The following CTBP2 variants were observed in gnomAD, a reference collection of about 807,000 sequenced individuals.
CTBP2 encodes the protein C-terminal binding protein 2.
CTBP2 carries 30 observed loss-of-function variants against 80.3 expected under a neutral mutation model. That is an observed-to-expected ratio of 0.37 (90% CI 0.28 to 0.51). CTBP2 has a LOEUF of 0.51. Ranked by LOEUF, CTBP2 falls within the 20% of genes least tolerant of loss-of-function variation. The pLI, the probability that CTBP2 is intolerant of heterozygous loss-of-function variation, is 0.93. For synonymous variants in CTBP2, 594 were observed against 587.4 expected (o/e 1.01, Z -0.16); for missense variants, 1,212 against 1,375.3 (o/e 0.88, Z 1.88).
intron 1 of CTBP2, among the ~76,000 whole-genome samples, chr10:125,009,521 A>T (rs1955631002): frequency 1.3e-5 from 2 of 152,150 alleles, no homozygotes; most frequent in Admixed American, 1.3e-4. Context: ...TTCCTCTTAA[A>T]TGCGGCCTGC....
intron 2 of CTBP2, among the ~76,000 whole-genome samples, chr10:125,065,155 G>A (rs1039247802): frequency 5.9e-5 from 9 of 152,188 alleles, no homozygotes; most frequent in East Asian, 5.8e-4. Flanking sequence ...CTGTGGTTGC[G>A]GAGGGGCTGC....
At chr10:125,141,721 A>T (rs1857858181) in intron 1 of CTBP2, among the ~76,000 whole-genome samples, 1 of 152,222 alleles carries the variant, frequency 6.6e-6, no homozygotes, top group Non-Finnish European at 1.5e-5. Flanking sequence ...CAGCAAGTAC[A>T]TGGCAAATGC....
At chr10:125,029,667 G>A (rs977353752), upstream of CTBP2, among the ~76,000 whole-genome samples, 1 of 152,198 alleles carries the variant, frequency 6.6e-6, no homozygotes, top group African/African-American at 2.4e-5. Flanking sequence ...CATGGTGCAT[G>A]CACACCCCTC....
intron 2 of CTBP2, among the ~76,000 whole-genome samples, chr10:125,063,339 C>T (rs1035346493): frequency 6.6e-6 from 1 of 152,204 alleles, no homozygotes; most frequent in Non-Finnish European, 1.5e-5. Context: ...CCGCAAGCCA[C>T]ATACGTGTTT....
chr10:125,157,898 A>AG (rs775956837), intron 1 of CTBP2, among the ~76,000 whole-genome samples: 23 of 152,202 alleles, frequency 1.5e-4, no homozygotes, highest in Non-Finnish European at 2.6e-4. Context: ...AAAGGGCACT[A>AG]GGGGTTTTTC....
At chr10:125,011,030 A>G (rs1955833656) in intron 1 of CTBP2, among the ~76,000 whole-genome samples, 1 of 152,178 alleles carries the variant, frequency 6.6e-6, no homozygotes, top group Non-Finnish European at 1.5e-5. Flanking sequence ...TTTCATGTGA[A>G]TTATCCCTCA....
At chr10:125,016,029 C>CG (rs3837351) in intron 1 of CTBP2, among the ~76,000 whole-genome samples, 39,921 of 151,978 alleles carry the variant, frequency 0.26, 5,318 homozygotes, top group African/African-American at 0.29. Context: ...GCTGGGTACC[C>CG]GGATCCCTGC....
chr10:125,108,372 C>T (rs899556592), intron 2 of CTBP2, among the ~76,000 whole-genome samples: 6 of 152,218 alleles, frequency 3.9e-5, no homozygotes, highest in African/African-American at 1.4e-4. Context: ...GCTCTAGGGC[C>T]TCACGGATTC....
intron 8 of CTBP2, among the ~76,000 whole-genome samples, chr10:124,991,014 C>A (rs1031338547): frequency 6.6e-6 from 1 of 152,252 alleles, no homozygotes; most frequent in Non-Finnish European, 1.5e-5. Context: ...TGGCTATATA[C>A]TCCCATGGCC....
chr10:125,063,384 T>A (rs1301024582), intron 2 of CTBP2, among the ~76,000 whole-genome samples: 1 of 152,124 alleles, frequency 6.6e-6, no homozygotes, highest in South Asian at 2.1e-4. Context: ...GGCACCCCGA[T>A]GGGGACTGAG....
At chr10:125,132,139 C>A (rs1380637952) in intron 1 of CTBP2, among the ~76,000 whole-genome samples, 2 of 152,182 alleles carry the variant, frequency 1.3e-5, no homozygotes, top group Non-Finnish European at 2.9e-5. Context: ...CTTCTGGTAA[C>A]AAGTGGAATT....
chr10:125,154,135 AGAG>A (rs1181692299), intron 1 of CTBP2, among the ~76,000 whole-genome samples: 1 of 152,248 alleles, frequency 6.6e-6, no homozygotes. Flanking sequence ...TCTGCTGATC[AGAG>A]GAGAGCTTTG....
At chr10:125,060,142 T>C (rs188628132) in intron 2 of CTBP2, among the ~76,000 whole-genome samples, 1 of 152,322 alleles carries the variant, frequency 6.6e-6, no homozygotes, top group East Asian at 1.9e-4. Flanking sequence ...TGAACATATG[T>C]GGCCACGCAG....
chr10:124,994,748 A>G lies in CTBP2; in HGVS notation c.2186-65T>C. ...CCCGCGCCCCAGCGCTGCCACCTCC[A>G]TTGCTTCTGAGCTGAGTCCGGGCTT... is the stretch of plus-strand genomic sequence containing the variant. On this transcript the variant is annotated intron_variant, in intron 4 of 8. Coordinates refer to ENST00000309035, the MANE Select transcript of CTBP2 (RefSeq NM_022802.3). 6 of 1,511,498 alleles carry G rather than the reference A, an allele frequency of 4.0e-6. No individual in the cohort carries two copies. In the East Asian group the frequency reaches 9.1e-5, roughly 23 times the overall value. 93.6% of individuals were successfully genotyped at this position (1,511,498 alleles called of 1,614,324 possible).
intron 2 of CTBP2, among the ~76,000 whole-genome samples, chr10:125,089,393 A>T (rs1461925520): frequency 6.6e-6 from 1 of 152,238 alleles, no homozygotes; most frequent in Non-Finnish European, 1.5e-5. Context: ...ACCAAACTGG[A>T]TGACAGTTGA....
chr10:125,098,698 GAGAGAGAGACAGAGAGAGAGAGAGAC>G (rs1850032232), intron 2 of CTBP2, among the ~76,000 whole-genome samples: 1 of 129,790 alleles, frequency 7.7e-6, no homozygotes, highest in Admixed American at 8.0e-5. Flanking sequence ...GAGAGAGAGA[GAGAGAGAGACAGAGAGAGAGAGAGAC>G]AGAGAGAGAG....
intron 2 of CTBP2, among the ~76,000 whole-genome samples, chr10:125,083,123 G>C (rs934671476): frequency 6.6e-6 from 1 of 152,146 alleles, no homozygotes; most frequent in Non-Finnish European, 1.5e-5. Context: ...TGCAGCCAGC[G>C]GCTGCTGCAG....
chr10:125,091,938 T>C (rs1848822220), intron 2 of CTBP2, among the ~76,000 whole-genome samples: 1 of 152,240 alleles, frequency 6.6e-6, no homozygotes, highest in African/African-American at 2.4e-5. Context: ...TTCATAAATG[T>C]TCAACATTTG....
At chr10:125,070,899 G>C (rs1169273011) in intron 2 of CTBP2, among the ~76,000 whole-genome samples, 2 of 152,128 alleles carry the variant, frequency 1.3e-5, no homozygotes, top group East Asian at 3.9e-4. Flanking sequence ...CAAAGTGCCA[G>C]GATTACGGGT....
Sources: gnomAD v4.1 joint callset for allele counts (sites outside exome capture counted in the v4.1 genomes callset) on GRCh38, gnomAD v4.1.1 for gene constraint, MANE v1.5 for transcripts, NCBI Gene and HGNC (gene_info 2026-07-23, HGNC 2026-07-21) for gene names.